EEFSEC: variants seen among roughly 807,000 people sequenced by gnomAD.
EEFSEC encodes eukaryotic elongation factor, selenocysteine-tRNA specific.
A neutral mutation model predicts 42.1 loss-of-function variants in EEFSEC; 43 were observed. The ratio of observed to expected loss-of-function variants is 1.02; its 90% confidence interval spans 0.80 to 1.32. The LOEUF is 1.32. Among genes scored for constraint, EEFSEC ranks in the 40% most tolerant of loss-of-function variants. EEFSEC has a pLI of 0.00. For synonymous variants in EEFSEC, 354 were observed against 339.1 expected, an observed-to-expected ratio of 1.04 and a Z score of -0.48; for missense variants, 745 against 803.6, an observed-to-expected ratio of 0.93 and a Z score of 0.88.
At chr3:128,295,430 AT>A (rs2066692555) in intron 4 of EEFSEC, among the ~76,000 whole-genome samples, 1 of 58,568 alleles carries the variant, frequency 1.7e-5, no homozygotes, top group African/African-American at 6.0e-5. Flanking sequence ...ACTTCAAGGC[AT>A]TTTTCTGTAC....
intron 4 of EEFSEC, among the ~76,000 whole-genome samples, chr3:128,310,516 C>A (rs371199944): frequency 6.6e-6 from 1 of 152,218 alleles, no homozygotes; most frequent in Admixed American, 6.5e-5. Flanking sequence ...CCCACACTTA[C>A]AGGAGGCCCA....
At chr3:128,178,283 C>T (rs976355377) in intron 1 of EEFSEC, among the ~76,000 whole-genome samples, 1 of 152,010 alleles carries the variant, frequency 6.6e-6, no homozygotes, top group Non-Finnish European at 1.5e-5. Context: ...CATTTAAATA[C>T]CTTTTTTCTC....
chr3:128,333,415 T>C (rs888328339), intron 4 of EEFSEC, among the ~76,000 whole-genome samples: 2 of 152,236 alleles, frequency 1.3e-5, no homozygotes, highest in Admixed American at 1.3e-4. Flanking sequence ...TTGTGTTTCA[T>C]CTTGGACTTC....
intron 1 of EEFSEC, among the ~76,000 whole-genome samples, chr3:128,185,010 G>T (rs2065450253): frequency 6.6e-6 from 1 of 152,122 alleles, no homozygotes; most frequent in Non-Finnish European, 1.5e-5. Flanking sequence ...ACTCCAGCTT[G>T]GGTAACGGAG....
intron 5 of EEFSEC, among the ~76,000 whole-genome samples, chr3:128,343,169 C>T (rs1455935787): frequency 6.6e-6 from 1 of 152,200 alleles, no homozygotes; most frequent in Non-Finnish European, 1.5e-5. Flanking sequence ...AACATCTGGC[C>T]CATCCACGGT....
At position 128,215,854 on chromosome 3, in the gene EEFSEC, T is replaced by G. The variant is rs542385601; in HGVS notation, c.317-30982T>G. Among the ~76,000 whole-genome samples, 12 of 152,160 alleles carry G rather than the reference T, an allele frequency of 7.9e-5. No homozygotes were observed. The East Asian group carries it at 2.3e-3, about 29-fold the overall frequency. On this transcript the variant is annotated intron_variant, in intron 1 of 6. Coordinates refer to ENST00000254730, the MANE Select transcript of EEFSEC (RefSeq NM_021937.5). Reference sequence around the variant, plus strand: ...TTGCTTTCTGCCAAGTTTGCCCCTCTCACAGAAAGAGATATTTCCTAGTTC... The same window carrying G: ...TTGCTTTCTGCCAAGTTTGCCCCTCGCACAGAAAGAGATATTTCCTAGTTC...
Position 128,358,274 on chromosome 3 carries a change from C to T in EEFSEC, c.1501C>T (p.Gln501Ter). 6.2e-7 allele frequency: 1 copy of T among 1,614,224 alleles called. No individual in the cohort carries two copies. The highest frequency in any genetic ancestry group is 2.2e-5 in the East Asian group (1 of 44,878). Residue 501 changes from glutamine to a stop codon, truncating the protein, a stop_gained, in exon 6 of 7, where the codon CAG becomes TAG. Transcript: ENST00000254730. LOFTEE classifies it high-confidence loss of function. The part of the protein sequence containing the change: ...RSLFKKETNI[Q>*]LFVGLKVHLS... ...CCTGTTCAAAAAGGAAACCAACATCCAGCTCTTCGTGGGGCTCAAGGTGCA... is the reference window on the plus strand; with the variant it reads ...CCTGTTCAAAAAGGAAACCAACATCTAGCTCTTCGTGGGGCTCAAGGTGCA...
rs376507242 is a variant in EEFSEC, at chr3:128,377,687, AT to A, written c.1600+19315del. 3.1e-3 allele frequency among the ~76,000 whole-genome samples: 470 copies of A among 152,376 alleles called. 3 individuals carry two copies. Among genetic ancestry groups the A allele is most frequent in the Non-Finnish European group, 5.3e-3 (364 of 68,042 alleles). ...TCTGTCTATAAATCTCTGTTTTAAT[AT>A]GTAGGGTATTTTCTTAAGATGGAGC... is the stretch of plus-strand genomic sequence containing the variant. On this transcript the variant is annotated intron_variant, in intron 6 of 6. Transcript: ENST00000254730.
chr3:128,422,965 T>G, the EEFSEC span, among the ~76,000 whole-genome samples: 1 of 152,206 alleles, frequency 6.6e-6, no homozygotes, highest in Non-Finnish European at 1.5e-5. Context: ...AAGAGGACCT[T>G]TCCCAGGCCC....
chr3:128,295,646 G>A (rs9845892), intron 4 of EEFSEC, among the ~76,000 whole-genome samples: 1 of 147,258 alleles, frequency 6.8e-6, no homozygotes, highest in African/African-American at 2.5e-5. Context: ...GTGGTGAGAA[G>A]ATGGAGAAGG....
chr3:128,248,795 T>C (rs1356981342), intron 2 of EEFSEC, among the ~76,000 whole-genome samples: 1 of 152,192 alleles, frequency 6.6e-6, no homozygotes, highest in African/African-American at 2.4e-5. Flanking sequence ...ATAGTAATAG[T>C]TTTGATTAAA....
At chr3:128,182,388 G>C (rs1226375682) in intron 1 of EEFSEC, among the ~76,000 whole-genome samples, 1 of 151,900 alleles carries the variant, frequency 6.6e-6, no homozygotes. Flanking sequence ...TTTGGATTAG[G>C]TTATATATGT....
At chr3:128,337,224 CCCATGGGAGTG>C (rs1455217376) in intron 4 of EEFSEC, 1 of 152,236 alleles carries the variant, frequency 6.6e-6, no homozygotes, top group Non-Finnish European at 1.5e-5. Flanking sequence ...CCTGTGAGAA[CCCATGGGAGTG>C]CCATGCTGCC....
At chr3:128,286,411 A>G (rs2066586426) in intron 4 of EEFSEC, among the ~76,000 whole-genome samples, 2 of 152,254 alleles carry the variant, frequency 1.3e-5, no homozygotes, top group Non-Finnish European at 2.9e-5. Context: ...ATTCTTCCTT[A>G]CAGGAGACTT....
chr3:128,299,382 A>T (rs938606536), intron 4 of EEFSEC, among the ~76,000 whole-genome samples: 22 of 152,114 alleles, frequency 1.4e-4, no homozygotes, highest in African/African-American at 5.3e-4. Context: ...AGAGAAATTT[A>T]TTCAGGTCTT....
intron 1 of EEFSEC, among the ~76,000 whole-genome samples, chr3:128,220,052 C>T (rs1404137853): frequency 6.6e-6 from 1 of 152,112 alleles, no homozygotes; most frequent in African/African-American, 2.4e-5. Flanking sequence ...TATTTCTGAC[C>T]ACAACTCCAT....
At chr3:128,179,456 A>C (rs2065383055) in intron 1 of EEFSEC, among the ~76,000 whole-genome samples, 7 of 152,230 alleles carry the variant, frequency 4.6e-5, no homozygotes, top group Admixed American at 4.6e-4. Flanking sequence ...ATTGGAGCAG[A>C]TAATATTTGA....
At position 128,190,618 on chromosome 3, in the gene EEFSEC, A is replaced by G. The variant is rs532001163; in HGVS notation, c.316+36795A>G. ...ATTATTAAAGAAAAATGTTTTTATTATAAATTTAGTGTTGTCTAAGTGTCC... is the reference window on the plus strand; with the variant it reads ...ATTATTAAAGAAAAATGTTTTTATTGTAAATTTAGTGTTGTCTAAGTGTCC... On this transcript the variant is annotated intron_variant, in intron 1 of 6. Transcript: ENST00000254730. Among the ~76,000 whole-genome samples, 32 of 152,308 alleles carry G rather than the reference A, an allele frequency of 2.1e-4. No homozygotes were observed. In the South Asian group the frequency reaches 5.2e-3, roughly 25 times the overall value.
intron 4 of EEFSEC, among the ~76,000 whole-genome samples, chr3:128,313,048 C>G (rs984894690): frequency 6.6e-6 from 1 of 152,204 alleles, no homozygotes; most frequent in Non-Finnish European, 1.5e-5. Flanking sequence ...GCCCCCTTGT[C>G]TGTAAGTTAT....
Sources: allele counts gnomAD v4.1 joint callset (sites outside exome capture counted in the v4.1 genomes callset), GRCh38; gene constraint gnomAD v4.1.1; transcripts MANE v1.5; gene names NCBI Gene and HGNC (gene_info 2026-07-23, HGNC 2026-07-21).